The following PPM1E variants were observed in gnomAD, a reference collection of about 807,000 sequenced individuals.
PPM1E encodes the protein protein phosphatase 1E.
A neutral mutation model predicts 65.9 loss-of-function variants in PPM1E; 20 were observed. That is an observed-to-expected ratio of 0.30 (90% confidence interval 0.21 to 0.44). The LOEUF (loss-of-function observed/expected upper bound fraction) is 0.44, where lower values mean the gene tolerates loss of function less well. PPM1E is among the 20% of genes least tolerant of loss of function. The probability of loss-of-function intolerance (pLI) is 1.00; values close to 1 mark genes in which losing one functional copy is unlikely to be tolerated. For synonymous variants in PPM1E, 352 were observed against 374.9 expected, an observed-to-expected ratio of 0.94 and a Z score of 0.70; for missense variants, 713 against 953.1, an observed-to-expected ratio of 0.75 and a Z score of 3.32.
In PPM1E at chr17:58,983,057, G is replaced by A; in HGVS notation, c.*2026G>A. On this transcript the variant is annotated 3_prime_UTR_variant, in exon 7 of 7. Transcript: ENST00000308249. ...TAATGTTTTTGATCAGAATAAAGAGGGTAAAGGGAAAAAGTTACTACACAT... is the reference window on the plus strand; with the variant it reads ...TAATGTTTTTGATCAGAATAAAGAGAGTAAAGGGAAAAAGTTACTACACAT... 1 of 784,178 alleles carries A rather than the reference G, an allele frequency of 1.3e-6. No individual in the cohort carries two copies. 48.6% of individuals were successfully genotyped at this position (784,178 alleles called of 1,614,324 possible). A position where few individuals can be genotyped will look rare whatever the true frequency, so the allele number is the denominator to read the frequency against.
At chr17:58,879,916 C>G (rs1397693757) in intron 1 of PPM1E, among the ~76,000 whole-genome samples, 1 of 152,046 alleles carries the variant, frequency 6.6e-6, no homozygotes. Flanking sequence ...TCTTAGGGTC[C>G]CAGCTGGGTC....
chr17:58,930,290 C>G (rs1279891341), intron 1 of PPM1E, among the ~76,000 whole-genome samples: 1 of 150,216 alleles, frequency 6.7e-6, no homozygotes, highest in Non-Finnish European at 1.5e-5. Flanking sequence ...CACACAGACA[C>G]ACACACACAT....
chr17:58,874,389 C>G (rs1017691780), intron 1 of PPM1E, among the ~76,000 whole-genome samples: 3 of 152,156 alleles, frequency 2.0e-5, no homozygotes, highest in African/African-American at 7.2e-5. Flanking sequence ...ATCTTCTAAT[C>G]TCTCACTACT....
intron 1 of PPM1E, among the ~76,000 whole-genome samples, chr17:58,824,644 A>C (rs958522413): frequency 2.0e-5 from 3 of 150,200 alleles, no homozygotes; most frequent in Non-Finnish European, 4.4e-5. Flanking sequence ...GCTGGAGTGC[A>C]GTGGCGTGAT....
intron 1 of PPM1E, among the ~76,000 whole-genome samples, chr17:58,855,667 T>C (rs2050874747): frequency 6.6e-6 from 1 of 152,242 alleles, no homozygotes; most frequent in Admixed American, 6.5e-5. Context: ...GACCTACTTA[T>C]AAGTTAGGAC....
intron 1 of PPM1E, among the ~76,000 whole-genome samples, chr17:58,758,231 G>GT (rs796215072): frequency 1.8e-4 from 28 of 151,924 alleles, no homozygotes; most frequent in African/African-American, 6.8e-4. Context: ...GAAGATGTGT[G>GT]TTTTTTCATA....
intron 1 of PPM1E, among the ~76,000 whole-genome samples, chr17:58,833,398 G>A (rs971585592): frequency 2.7e-5 from 4 of 150,610 alleles, no homozygotes; most frequent in Admixed American, 2.0e-4. Flanking sequence ...CCCCACAGAA[G>A]TCTTTAGTTT....
chr17:58,914,367 C>T (rs181594509), intron 1 of PPM1E, among the ~76,000 whole-genome samples: 115 of 152,230 alleles, frequency 7.6e-4, no homozygotes, highest in African/African-American at 1.8e-3. Context: ...CATTGCATCA[C>T]GTTTATTTAT....
intron 1 of PPM1E, among the ~76,000 whole-genome samples, chr17:58,848,491 G>C (rs956456638): frequency 6.6e-6 from 1 of 152,160 alleles, no homozygotes; most frequent in Non-Finnish European, 1.5e-5. Flanking sequence ...AAGGGCTGTT[G>C]AATTTTGTTG....
chr17:58,796,436 A>G (rs959598415), intron 1 of PPM1E, among the ~76,000 whole-genome samples: 1 of 152,066 alleles, frequency 6.6e-6, no homozygotes, highest in East Asian at 1.9e-4. Flanking sequence ...AAGCCTGGCT[A>G]ATTCTTGTAT....
chr17:58,772,588 G>A (rs1043257574), intron 1 of PPM1E, among the ~76,000 whole-genome samples: 1 of 152,280 alleles, frequency 6.6e-6, no homozygotes, highest in Middle Eastern at 3.4e-3. Flanking sequence ...TTAGCCAAGA[G>A]GAAGAGGGAG....
chr17:58,900,305 G>A (rs2051482429), intron 1 of PPM1E, among the ~76,000 whole-genome samples: 1 of 152,124 alleles, frequency 6.6e-6, no homozygotes, highest in South Asian at 2.1e-4. Context: ...CAATAGATGT[G>A]GCAAACTTCA....
chr17:58,923,533 G>A (rs1000719086), intron 1 of PPM1E, among the ~76,000 whole-genome samples: 8 of 151,712 alleles, frequency 5.3e-5, no homozygotes, highest in African/African-American at 1.9e-4. Context: ...ATCACCTAAG[G>A]TCAGGAGTTC....
intron 1 of PPM1E, among the ~76,000 whole-genome samples, chr17:58,930,250 T>TATACACACAC (rs1555620517): frequency 4.1e-4 from 59 of 143,304 alleles, no homozygotes; most frequent in Admixed American, 1.1e-3. Flanking sequence ...TAAATGTATA[T>TATACACACAC]ACACACACAC....
At chr17:58,834,869 C>G (rs1285018942) in intron 1 of PPM1E, among the ~76,000 whole-genome samples, 1 of 151,892 alleles carries the variant, frequency 6.6e-6, no homozygotes, top group Admixed American at 6.6e-5. Flanking sequence ...ATTCTAGTTC[C>G]TTTGCCTTTC....
intron 1 of PPM1E, among the ~76,000 whole-genome samples, chr17:58,764,754 C>T (rs761355749): frequency 3.9e-5 from 6 of 151,940 alleles, no homozygotes; most frequent in East Asian, 1.9e-4. Context: ...CCACCATGCT[C>T]GGCTAATTTT....
intron 1 of PPM1E, among the ~76,000 whole-genome samples, chr17:58,894,104 A>C (rs1173011740): frequency 2.0e-5 from 3 of 151,878 alleles, no homozygotes; most frequent in Admixed American, 6.6e-5. Flanking sequence ...CCACCAAAAA[A>C]CAAAAATAAA....
chr17:58,828,328 CT>C (rs1166807074), intron 1 of PPM1E, among the ~76,000 whole-genome samples: 2 of 152,076 alleles, frequency 1.3e-5, no homozygotes, highest in African/African-American at 4.8e-5. Flanking sequence ...CCCTTTTCTT[CT>C]TCATTCTCAA....
chr17:58,869,477 G>C (rs2051045323), intron 1 of PPM1E, among the ~76,000 whole-genome samples: 1 of 152,058 alleles, frequency 6.6e-6, no homozygotes, highest in African/African-American at 2.4e-5. Flanking sequence ...TTGTTAAAAA[G>C]AGCCTGGCAC....
Sources: allele counts gnomAD v4.1 joint callset (sites outside exome capture counted in the v4.1 genomes callset), GRCh38; gene constraint gnomAD v4.1.1; transcripts MANE v1.5; gene names NCBI Gene and HGNC (gene_info 2026-07-23, HGNC 2026-07-21).